Variants in POSTN observed in about 807,000 individuals in gnomAD.
POSTN encodes periostin.
Under a neutral mutation model 104.5 loss-of-function variants are expected in POSTN, and 71 were observed. That is an observed-to-expected ratio of 0.68 (90% CI 0.56 to 0.83). The LOEUF is 0.83. Among genes scored for constraint, POSTN ranks in the 40% least tolerant of loss-of-function variants. The probability of loss-of-function intolerance (pLI) is 0.00; values close to 1 mark genes in which losing one functional copy is unlikely to be tolerated. For missense variants in POSTN, 949 were observed against 1,006.8 expected (o/e 0.94, Z 0.78); for synonymous variants, 355 against 340.7 (o/e 1.04, Z -0.46).
At chr13:37,596,526 G>C (rs1951091289) in intron 2 of POSTN, among the ~76,000 whole-genome samples, 1 of 152,158 alleles carries the variant, frequency 6.6e-6, no homozygotes, top group African/African-American at 2.4e-5. Context: ...AAGCTAATCA[G>C]TGAAACATAT....
chr13:37,589,458 A>G (rs1156574306), intron 4 of POSTN, among the ~76,000 whole-genome samples: 2 of 152,104 alleles, frequency 1.3e-5, no homozygotes, highest in Non-Finnish European at 2.9e-5. Context: ...TTAACTCGTC[A>G]TTTAGCATTA....
Position 37,597,240 on chromosome 13 carries a change from CT to C in POSTN, c.161del (p.Lys54ArgfsTer31). On this transcript the variant is annotated frameshift_variant, in exon 2 of 23. Transcript: ENST00000379747. LOFTEE classifies it high-confidence loss of function. Reference sequence around the variant, plus strand: ...AGTTCTTACAAGTGCTGAAGTATTTCTTTTTGGTGCCCAAAATCTGTTGAAG... The same window carrying C: ...AGTTCTTACAAGTGCTGAAGTATTTCTTTTGGTGCCCAAAATCTGTTGAAG... ...CALQQILGTK[K>X]KYFSTCKNWY... is the part of the protein sequence containing the mutation. 4 of 1,584,964 alleles carry C rather than the reference CT, an allele frequency of 2.5e-6. No individual in the cohort carries two copies. Among genetic ancestry groups the C allele is most frequent in the South Asian group, 1.2e-5 (1 of 85,168 alleles).
In POSTN at chr13:37,580,689, GCAGA is replaced by G; in HGVS notation, c.1397_1400del (p.Val466AlafsTer37). On this transcript the variant is annotated frameshift_variant, in exon 11 of 23. Transcript: ENST00000379747. LOFTEE classifies it high-confidence loss of function. ...CTTTCTCCATGCATGAATTTTCAAT[GCAGA>G]CAGCCTAGGAAAGGAAAGAAAGGTA... 1 of 1,614,036 alleles carries G rather than the reference GCAGA, an allele frequency of 6.2e-7. No homozygotes were observed. Among genetic ancestry groups the G allele is most frequent in the South Asian group, 1.1e-5 (1 of 91,082 alleles).
intron 5 of POSTN, 90 bp from the exon 6 acceptor site, chr13:37,587,018 A>C: frequency 8.8e-7 from 1 of 1,130,730 alleles, no homozygotes; most frequent in East Asian, 2.4e-5. Flanking sequence ...TTTCATTTAT[A>C]CTAGTAAATG....
At position 37,568,572 on chromosome 13, in the gene POSTN, TA is replaced by T. The variant is rs1950177560; in HGVS notation, c.2431+727del. ...TTTTTCAGCTTAATTCTTTCCTTGTTAAAAAATGAAGTAGAAATTTGTTTAT... is the reference window on the plus strand; with the variant it reads ...TTTTTCAGCTTAATTCTTTCCTTGTTAAAAATGAAGTAGAAATTTGTTTAT... On this transcript the variant is annotated intron_variant, in intron 21 of 22. Transcript: ENST00000379747. 1.3e-5 allele frequency: 2 copies of T among 151,994 alleles called. 1 individual carries two copies. The highest frequency in any genetic ancestry group is 4.1e-4 in the South Asian group (2 of 4,830). 9.4% of individuals were successfully genotyped at this position (151,994 alleles called of 1,614,324 possible).
At chr13:37,597,923 C>CA in intron 1 of POSTN, among the ~76,000 whole-genome samples, 1 of 152,030 alleles carries the variant, frequency 6.6e-6, no homozygotes, top group Non-Finnish European at 1.5e-5. Context: ...CACTGTAAGT[C>CA]AAAGAAGCTT....
At chr13:37,568,325 A>G (rs530973221) in intron 21 of POSTN, among the ~76,000 whole-genome samples, 18 of 152,156 alleles carry the variant, frequency 1.2e-4, no homozygotes, top group Non-Finnish European at 2.5e-4. Context: ...ATTAAACTAC[A>G]GAATATAGAA....
intron 2 of POSTN, among the ~76,000 whole-genome samples, chr13:37,594,685 C>G (rs574727077): frequency 6.6e-6 from 1 of 152,150 alleles, no homozygotes; most frequent in South Asian, 2.1e-4. Context: ...ATATTTTGGA[C>G]AATATCTTGA....
chr13:37,571,106 C>A, intron 18 of POSTN: 1 of 370,516 alleles, frequency 2.7e-6, no homozygotes, highest in Non-Finnish European at 4.8e-6. Flanking sequence ...TTCCACAATC[C>A]TCACTTGTAT....
rs538121670 is a variant in POSTN, at chr13:37,573,568, G to A, written c.2089+1004C>T. On this transcript the variant is annotated intron_variant, in intron 17 of 22. Coordinates refer to ENST00000379747, the MANE Select transcript of POSTN (RefSeq NM_006475.3). ...CTTACTTTAAAAAATATAGATAAAA[G>A]TATTCAAGAAGTTACCTTCTCAAAC... Among the ~76,000 whole-genome samples the A allele has an allele frequency of 2.0e-5, 3 of 151,418 alleles. No homozygotes were observed. The South Asian group carries it at 6.2e-4, about 31-fold the overall frequency.
chr13:37,591,418 T>C lies in POSTN; in HGVS notation c.283+682A>G, dbSNP rs17056126. On this transcript the variant is annotated intron_variant, in intron 3 of 22. Coordinates refer to ENST00000379747, the MANE Select transcript of POSTN (RefSeq NM_006475.3). ...AAATCAGGTACTTATCTTGGTATTG[T>C]CTTAAATGCTCAGACCCACATGGAT... Among the ~76,000 whole-genome samples, 1,279 of 152,298 alleles carry C rather than the reference T, an allele frequency of 8.4e-3. 16 individuals carry two copies. The highest frequency in any genetic ancestry group is 0.03 in the African/African-American group (1,227 of 41,550).
At chr13:37,578,586 A>G (rs952210659) in intron 15 of POSTN, among the ~76,000 whole-genome samples, 6 of 152,098 alleles carry the variant, frequency 3.9e-5, no homozygotes, top group African/African-American at 1.4e-4. Flanking sequence ...TCACGAGGTC[A>G]GGAGATCGAG....
chr13:37,578,343 C>G (rs1950474833), intron 15 of POSTN, among the ~76,000 whole-genome samples: 1 of 152,184 alleles, frequency 6.6e-6, no homozygotes, highest in South Asian at 2.1e-4. Context: ...ATTTGTTGAA[C>G]AAAACCATGA....
At chr13:37,569,074 C>T (rs1304488713) in intron 21 of POSTN, 2 of 324,286 alleles carry the variant, frequency 6.2e-6, no homozygotes, top group African/African-American at 4.3e-5. Flanking sequence ...TTCATTGCTC[C>T]CCAAACTTTA....
chr13:37,594,451 C>G lies in POSTN; in HGVS notation c.219-2287G>C, dbSNP rs566614386. 2.0e-5 allele frequency among the ~76,000 whole-genome samples: 3 copies of G among 151,932 alleles called. No homozygotes were observed. In the South Asian group the frequency reaches 6.2e-4, roughly 32 times the overall value. ...GGATATTTTGAAAAGAAAAAAAAAG[C>G]AGTTTTTTTCAGAAGAACATTTATG... On this transcript the variant is annotated intron_variant, in intron 2 of 22. Transcript: ENST00000379747.
At chr13:37,564,181 CATATATATATAT>C (rs71093693) in intron 22 of POSTN, among the ~76,000 whole-genome samples, 31 of 49,842 alleles carry the variant, frequency 6.2e-4, no homozygotes, top group South Asian at 3.1e-3. Flanking sequence ...CAAAACATTA[CATATATATATAT>C]ATATATATAT....
At position 37,583,954 on chromosome 13, in the gene POSTN, G is replaced by A; in HGVS notation, c.1243+15C>T. 6.2e-7 allele frequency: 1 copy of A among 1,606,062 alleles called. No individual in the cohort carries two copies. Among genetic ancestry groups the A allele is most frequent in the Non-Finnish European group, 8.5e-7 (1 of 1,175,110 alleles). On this transcript the variant is annotated intron_variant, in intron 9 of 22. Coordinates refer to ENST00000379747, the MANE Select transcript of POSTN (RefSeq NM_006475.3). ...GTGTAGGCAGAGAGCAGGAACAACA[G>A]TGTCCAGCACATACCAGAAAATGCA...
At chr13:37,584,266 T>G (rs960529128) in intron 8 of POSTN, among the ~76,000 whole-genome samples, 163 bp from the exon 9 acceptor site, 1 of 152,180 alleles carries the variant, frequency 6.6e-6, no homozygotes, top group Admixed American at 6.5e-5. Flanking sequence ...GAGTTCCACT[T>G]CCATTTTTTG....
At position 37,567,065 on chromosome 13, in the gene POSTN, T is replaced by C. The variant is rs1950126507; in HGVS notation, c.2431+2235A>G. ...TCCCGGCTAAAACGGTGAAACCCCG[T>C]CTCTACTAAAAATACAAAACATTAG... On this transcript the variant is annotated intron_variant, in intron 21 of 22. Transcript: ENST00000379747. 1.4e-5 allele frequency among the ~76,000 whole-genome samples: 2 copies of C among 147,388 alleles called. 1 individual carries two copies.
Sources: allele counts gnomAD v4.1 joint callset (sites outside exome capture counted in the v4.1 genomes callset), GRCh38; gene constraint gnomAD v4.1.1; transcripts MANE v1.5; gene names NCBI Gene and HGNC (gene_info 2026-07-23, HGNC 2026-07-21).